CNTN5: variants seen among roughly 807,000 people sequenced by gnomAD.
CNTN5 encodes contactin-5.
In CNTN5, 77 loss-of-function variants were observed where a neutral mutation model predicts 129.1. The ratio of observed to expected loss-of-function variants is 0.60; its 90% CI spans 0.50 to 0.72. The LOEUF (loss-of-function observed/expected upper bound fraction) is 0.72. CNTN5 is among the 30% of genes least tolerant of loss of function. The pLI is 0.00. For synonymous variants in CNTN5, 509 were observed against 465.6 expected (o/e 1.09, Z -1.20); for missense variants, 1,478 against 1,328.8 (o/e 1.11, Z -1.75).
rs978132907 is a variant in CNTN5, at chr11:100,193,552, T to G, written c.1773T>G (p.Leu591=). 1.9e-6 allele frequency: 3 copies of G among 1,610,660 alleles called. No homozygotes were observed. The highest frequency in any genetic ancestry group is 2.5e-6 in the Non-Finnish European group (3 of 1,177,640). The change falls in exon 15 of 25, where the codon CTT becomes CTG. Residue 591 remains leucine (L), a synonymous_variant. Transcript: ENST00000524871. ...TGACAGTGGGAGAAAGCATTGTCCT[T>G]AATTGCAAAGCAATTCACGATGCTA... ...TELTVGESIV[L]NCKAIHDASL... is the part of the protein sequence containing the mutation.
chr11:99,271,494 A>C (rs561357812), intron 1 of CNTN5, among the ~76,000 whole-genome samples: 1 of 151,888 alleles, frequency 6.6e-6, no homozygotes, highest in East Asian at 1.9e-4. Flanking sequence ...CACTTGTATT[A>C]TTTATTGCTA....
chr11:99,320,110 G>T (rs1865507090), intron 1 of CNTN5, among the ~76,000 whole-genome samples: 1 of 152,112 alleles, frequency 6.6e-6, no homozygotes, highest in African/African-American at 2.4e-5. Context: ...CATGGTGGCA[G>T]GCACCTGTAG....
intron 9 of CNTN5, among the ~76,000 whole-genome samples, chr11:100,049,817 C>T (rs1466302950): frequency 6.6e-6 from 1 of 152,088 alleles, no homozygotes; most frequent in Admixed American, 6.6e-5. Context: ...GGGCAAAGGA[C>T]ATGAACAGAC....
intron 4 of CNTN5, among the ~76,000 whole-genome samples, chr11:99,835,657 A>C (rs1947279528): frequency 7.4e-6 from 1 of 135,720 alleles, no homozygotes; most frequent in Non-Finnish European, 1.6e-5. Context: ...GAATGGAAAC[A>C]TATGGATGAA....
At chr11:100,286,283 A>G (rs1950788835) in intron 18 of CNTN5, among the ~76,000 whole-genome samples, 1 of 152,196 alleles carries the variant, frequency 6.6e-6, no homozygotes, top group Non-Finnish European at 1.5e-5. Context: ...CTGCCTCTGT[A>G]GGCTCCACCT....
chr11:99,567,822 A>G (rs187992998), intron 3 of CNTN5, among the ~76,000 whole-genome samples: 118 of 152,320 alleles, frequency 7.7e-4, no homozygotes, highest in Admixed American at 3.5e-3. Context: ...TAGACGTGTA[A>G]TTAATCAGAA....
At chr11:99,084,428 T>C (rs959399786) in intron 1 of CNTN5, among the ~76,000 whole-genome samples, 3 of 152,198 alleles carry the variant, frequency 2.0e-5, no homozygotes, top group African/African-American at 7.2e-5. Flanking sequence ...AATCATTGCC[T>C]TGAACATACT....
chr11:100,308,694 T>A, intron 21 of CNTN5: 1 of 1,126,406 alleles, frequency 8.9e-7, no homozygotes, highest in Non-Finnish European at 1.1e-6. Context: ...AAGATGTTTT[T>A]AAAAGATGAA....
intron 10 of CNTN5, among the ~76,000 whole-genome samples, chr11:100,068,921 T>A (rs939334368): frequency 1.3e-5 from 2 of 152,180 alleles, no homozygotes; most frequent in African/African-American, 4.8e-5. Flanking sequence ...TTAACCTCTT[T>A]GAGTCAAAAT....
intron 8 of CNTN5, among the ~76,000 whole-genome samples, chr11:99,958,809 CAATT>C (rs374107001): frequency 2.0e-5 from 3 of 152,252 alleles, no homozygotes; most frequent in African/African-American, 7.2e-5. Flanking sequence ...TTTTGGCTAA[CAATT>C]AATTCCATTT....
At chr11:100,183,168 C>T (rs1948191705) in intron 13 of CNTN5, among the ~76,000 whole-genome samples, 1 of 152,112 alleles carries the variant, frequency 6.6e-6, no homozygotes, top group Non-Finnish European at 1.5e-5. Flanking sequence ...GTGGTACAAC[C>T]ACTTGGAAAG....
chr11:99,290,277 G>A (rs1293658346), intron 1 of CNTN5, among the ~76,000 whole-genome samples: 6 of 151,804 alleles, frequency 4.0e-5, no homozygotes, highest in Admixed American at 1.3e-4. Context: ...TTTGTAAATA[G>A]CAGAAATTGA....
At chr11:100,077,938 T>C (rs767967090) in intron 13 of CNTN5, among the ~76,000 whole-genome samples, 1 of 152,162 alleles carries the variant, frequency 6.6e-6, no homozygotes, top group African/African-American at 2.4e-5. Flanking sequence ...GGCATAAAAA[T>C]GTAATATATA....
intron 1 of CNTN5, among the ~76,000 whole-genome samples, chr11:99,299,514 C>CA (rs905384914): frequency 2.6e-5 from 4 of 151,748 alleles, no homozygotes; most frequent in African/African-American, 9.7e-5. Flanking sequence ...AGAAACAAAC[C>CA]AAAAAAAGGA....
chr11:100,356,423 A>G lies in CNTN5; in HGVS notation c.*203A>G, dbSNP rs1431722307. The G allele has an allele frequency of 1.7e-6, 1 of 574,932 alleles. No individual in the cohort carries two copies. The highest frequency in any genetic ancestry group is 1.9e-5 in the African/African-American group (1 of 53,094). 35.6% of individuals were successfully genotyped at this position (574,932 alleles called of 1,614,324 possible). On this transcript the variant is annotated 3_prime_UTR_variant, in exon 25 of 25. Transcript: ENST00000524871. ...TTTGGTTTTTGTAAACGGAGAGGAC[A>G]GTTCTTAGTCCAGTAAAAATATGCA...
At chr11:99,140,575 C>A (rs1399501331) in intron 1 of CNTN5, among the ~76,000 whole-genome samples, 1 of 151,894 alleles carries the variant, frequency 6.6e-6, no homozygotes, top group Non-Finnish European at 1.5e-5. Context: ...TGTTCCAGTT[C>A]TCAAGGGGAA....
At chr11:99,614,642 T>C (rs1382582364) in intron 3 of CNTN5, among the ~76,000 whole-genome samples, 1 of 152,214 alleles carries the variant, frequency 6.6e-6, no homozygotes, top group African/African-American at 2.4e-5. Context: ...CTTTGCTGGA[T>C]GTTTCTGCGA....
intron 13 of CNTN5, among the ~76,000 whole-genome samples, chr11:100,157,690 A>ACTATGATACAGTCTTAT (rs1947302309): frequency 6.6e-6 from 1 of 151,852 alleles, no homozygotes; most frequent in African/African-American, 2.4e-5. Flanking sequence ...TATGAAGACA[A>ACTATGATACAGTCTTAT]CTATGATACA....
chr11:99,580,938 A>G (rs1362977447), intron 3 of CNTN5, among the ~76,000 whole-genome samples: 4 of 144,622 alleles, frequency 2.8e-5, no homozygotes, highest in African/African-American at 5.2e-5. Context: ...TGTCAATTTT[A>G]GATCTTTCCT....
Sources: gnomAD v4.1 joint callset for allele counts (sites outside exome capture counted in the v4.1 genomes callset) on GRCh38, gnomAD v4.1.1 for gene constraint, MANE v1.5 for transcripts, NCBI Gene and HGNC (gene_info 2026-07-23, HGNC 2026-07-21) for gene names.